Variants in TP73 observed in about 807,000 individuals in gnomAD.
TP73 encodes the protein tumor protein p73.
Under a neutral mutation model 62.5 loss-of-function variants are expected in TP73, and 25 were observed. That is an observed-to-expected ratio of 0.40 (90% CI 0.29 to 0.56). TP73 has a LOEUF of 0.56. Among genes scored for constraint, TP73 ranks in the 20% least tolerant of loss-of-function variants. TP73 has a pLI of 0.46. For missense variants in TP73, 754 were observed against 913.3 expected (o/e 0.83, Z 2.25); for synonymous variants, 423 against 377.5 (o/e 1.12, Z -1.40).
Position 3,730,123 on chromosome 1 carries a change from A to C in TP73, c.1320A>C (p.Ala440=), listed in dbSNP as rs1467663763. The C allele has an allele frequency of 1.3e-6, 2 of 1,565,992 alleles. No homozygotes were observed. Among genetic ancestry groups the C allele is most frequent in the Non-Finnish European group, 1.7e-6 (2 of 1,155,216 alleles). ...LVGQPPPHSS[A]ATPNLGPVGP... ...GCCAGCCTCCCCCGCACAGTTCGGC[A>C]GCTACACCCAACCTGGGGCCCGTGG... The change falls in exon 11 of 14, where the codon GCA becomes GCC. Residue 440 remains alanine (A), a synonymous_variant. Coordinates refer to ENST00000378295, the MANE Select transcript of TP73 (RefSeq NM_005427.4).
At chr1:3,677,211 G>A (rs771093719) in intron 1 of TP73, among the ~76,000 whole-genome samples, 10 of 152,296 alleles carry the variant, frequency 6.6e-5, no homozygotes, top group Non-Finnish European at 1.2e-4. Flanking sequence ...TGAGTCACAC[G>A]TGTGTGGGGG....
chr1:3,713,453 C>T (rs1235854970), intron 4 of TP73, among the ~76,000 whole-genome samples: 2 of 152,208 alleles, frequency 1.3e-5, no homozygotes, highest in African/African-American at 4.8e-5. Flanking sequence ...AAGATGCGGT[C>T]GTAGGTGACC....
chr1:3,678,182 C>G (rs918761202), intron 1 of TP73, among the ~76,000 whole-genome samples: 7 of 152,220 alleles, frequency 4.6e-5, no homozygotes, highest in Admixed American at 1.3e-4. Flanking sequence ...TGTTTTGTCC[C>G]AGAACCGTGA....
chr1:3,715,889 T>C (rs1013238224), intron 4 of TP73, among the ~76,000 whole-genome samples: 7 of 151,988 alleles, frequency 4.6e-5, no homozygotes, highest in Non-Finnish European at 8.8e-5. Flanking sequence ...AGGATGGAGA[T>C]CCCTAGAGGC....
Position 3,727,091 on chromosome 1 carries a change from C to T in TP73, c.733-24C>T, listed in dbSNP as rs760658871. 18 of 1,603,198 alleles carry T rather than the reference C, an allele frequency of 1.1e-5. No individual in the cohort carries two copies. The African/African-American group carries it at 2.0e-4, about 18-fold the overall frequency. On this transcript the variant is annotated intron_variant, in intron 6 of 13. Transcript: ENST00000378295. The stretch of plus-strand genomic sequence containing the variant: ...TGGGGCTGCGTGCTGATGCTAGCCC[C>T]TCTCCCTGCTCCCCCATGTGCAGGT...
chr1:3,713,960 C>T (rs545464643), intron 4 of TP73, among the ~76,000 whole-genome samples: 2 of 152,188 alleles, frequency 1.3e-5, no homozygotes, highest in South Asian at 2.1e-4. Flanking sequence ...ATGGGGAAAC[C>T]GCACAGGGGG....
intron 1 of TP73, among the ~76,000 whole-genome samples, chr1:3,681,432 G>C (rs987393044): frequency 5.9e-5 from 9 of 152,192 alleles, no homozygotes; most frequent in Admixed American, 4.6e-4. Context: ...TGGGTGTCCA[G>C]GGCCACTGGG....
intron 6 of TP73, among the ~76,000 whole-genome samples, chr1:3,726,288 GTGGATGGATGGATGGATGGAGTGGGTGGA>G (rs1364264013): frequency 9.3e-5 from 3 of 32,156 alleles, no homozygotes; most frequent in Non-Finnish European, 3.1e-4. Context: ...GGGTGGGTGG[GTGGATGGATGGATGGATGGAGTGGGTGGA>G]TGGGTGGATG....
intron 8 of TP73, 132 bp from the exon 9 acceptor site, chr1:3,727,997 G>T: frequency 8.4e-7 from 1 of 1,190,290 alleles, no homozygotes. Flanking sequence ...CCGTCCCTGT[G>T]GGTTGCTCAC....
At chr1:3,687,747 T>C (rs1645700286) in intron 3 of TP73, among the ~76,000 whole-genome samples, 2 of 151,448 alleles carry the variant, frequency 1.3e-5, no homozygotes. Flanking sequence ...GGCTGGCCCC[T>C]CCCCTGTGCC....
In TP73 at chr1:3,731,061, G is replaced by C. The variant is rs768327423; in HGVS notation, c.1480G>C (p.Val494Leu). The C allele has an allele frequency of 6.2e-7, 1 of 1,610,668 alleles. No individual in the cohort carries two copies. Among genetic ancestry groups the C allele is most frequent in the African/African-American group, 1.3e-5 (1 of 74,876 alleles). Residue 494 changes from valine (V) to leucine (L), a missense_variant, in exon 12 of 14, where the codon GTC becomes CTC. By Grantham distance (32) the Val-to-Leu change is conservative (BLOSUM62 1). Transcript: ENST00000378295. ...PPPYHADPSLVSFLTGLGCPN... is the reference protein window; with the variant it reads ...PPPYHADPSLLSFLTGLGCPN... ...CCCCTACCACGCCGACCCCAGCCTC[G>C]TCAGGTGCGTGGGCTGCCGAGGGCC...
intron 8 of TP73, 118 bp from the exon 9 acceptor site, chr1:3,728,011 C>T (rs936350673): frequency 2.2e-5 from 27 of 1,244,444 alleles, no homozygotes; most frequent in African/African-American, 1.1e-4. Flanking sequence ...TGCTCACCAC[C>T]GGACCCACCT....
rs2124454631 is a variant in TP73 at position 3,717,594 on chromosome 1, A to C, written c.430-4427A>C. The stretch of plus-strand genomic sequence containing the variant: ...GTCTCCACGTGACCTTTCCTATAGA[A>C]TAGGCTCCACCGGAGTCCTCCTCCT... On this transcript the variant is annotated intron_variant, in intron 4 of 13. Coordinates refer to ENST00000378295, the MANE Select transcript of TP73 (RefSeq NM_005427.4). Among the ~76,000 whole-genome samples, 3 of 152,268 alleles carry C rather than the reference A, an allele frequency of 2.0e-5. No individual in the cohort carries two copies. In the South Asian group the frequency reaches 6.2e-4, roughly 32 times the overall value.
chr1:3,687,151 A>G (rs1017879608), intron 3 of TP73, among the ~76,000 whole-genome samples: 1 of 152,014 alleles, frequency 6.6e-6, no homozygotes, highest in Non-Finnish European at 1.5e-5. Context: ...GCTCACAGGG[A>G]CCTCACTCTA....
intron 6 of TP73, among the ~76,000 whole-genome samples, chr1:3,725,309 C>T (rs985705725): frequency 6.6e-6 from 1 of 151,402 alleles, no homozygotes; most frequent in Non-Finnish European, 1.5e-5. Context: ...CCTCCCAGAA[C>T]CCAGAACCAG....
chr1:3,687,803 G>A (rs965792926), intron 3 of TP73, among the ~76,000 whole-genome samples: 2 of 152,166 alleles, frequency 1.3e-5, no homozygotes, highest in African/African-American at 4.8e-5. Flanking sequence ...AGGTGTTGTG[G>A]GCAGGTGGGC....
At chr1:3,703,348 G>A (rs1639369513) in intron 3 of TP73, among the ~76,000 whole-genome samples, 1 of 152,172 alleles carries the variant, frequency 6.6e-6, no homozygotes, top group African/African-American at 2.4e-5. Context: ...GGATGAGAGG[G>A]GACCAGAGGG....
At chr1:3,724,039 G>T (rs1348926799) in intron 6 of TP73, among the ~76,000 whole-genome samples, 4 of 152,172 alleles carry the variant, frequency 2.6e-5, no homozygotes, top group African/African-American at 9.6e-5. Context: ...TGGGTGGGGG[G>T]TGCAGGGGAC....
chr1:3,711,284 C>A (rs1640118585), intron 4 of TP73, among the ~76,000 whole-genome samples: 2 of 152,242 alleles, frequency 1.3e-5, no homozygotes, highest in Non-Finnish European at 2.9e-5. Flanking sequence ...CAGTTCAACA[C>A]CCTCTGTGGG....
Sources: allele counts gnomAD v4.1 joint callset (sites outside exome capture counted in the v4.1 genomes callset), GRCh38; gene constraint gnomAD v4.1.1; transcripts MANE v1.5; gene names NCBI Gene and HGNC (gene_info 2026-07-23, HGNC 2026-07-21).